ADGRB3: variants seen among roughly 807,000 people sequenced by gnomAD.
ADGRB3 encodes adhesion G protein-coupled receptor B3.
In ADGRB3, 37 loss-of-function variants were observed where a neutral mutation model predicts 193.4. That is an observed-to-expected ratio of 0.19 (90% confidence interval 0.15 to 0.25). The LOEUF (loss-of-function observed/expected upper bound fraction) is 0.25, where lower values mean the gene tolerates loss of function less well. Ranked by LOEUF, ADGRB3 falls within the 10% of genes least tolerant of loss-of-function variation. The pLI is 1.00. For synonymous variants in ADGRB3, 690 were observed against 644.2 expected, an observed-to-expected ratio of 1.07 and a Z score of -1.08; for missense variants, 1,637 against 1,852.9, an observed-to-expected ratio of 0.88 and a Z score of 2.14.
intron 26 of ADGRB3, among the ~76,000 whole-genome samples, chr6:69,343,376 T>G (rs1273997260): frequency 7.6e-6 from 1 of 131,632 alleles, no homozygotes; most frequent in African/African-American, 2.8e-5. Flanking sequence ...GATATTCCCC[T>G]TCCTGTGTCC....
intron 17 of ADGRB3, among the ~76,000 whole-genome samples, chr6:69,125,189 T>C (rs1773821354): frequency 6.6e-6 from 1 of 152,164 alleles, no homozygotes; most frequent in African/African-American, 2.4e-5. Context: ...GTTTGTGTAA[T>C]CCTTTTATAT....
intron 3 of ADGRB3, among the ~76,000 whole-genome samples, chr6:68,820,638 T>G (rs571303449): frequency 2.0e-5 from 3 of 152,022 alleles, no homozygotes; most frequent in Non-Finnish European, 4.4e-5. Context: ...TCCCCGCTTC[T>G]CTCTCCCTCC....
intron 3 of ADGRB3, among the ~76,000 whole-genome samples, chr6:68,837,686 G>A (rs768206573): frequency 5.3e-5 from 8 of 152,128 alleles, no homozygotes; most frequent in Non-Finnish European, 1.0e-4. Context: ...TTTCCAATAA[G>A]AGATTATAGT....
At chr6:69,274,595 T>TTCCCTCCCTCCG (rs1767256432) in intron 20 of ADGRB3, among the ~76,000 whole-genome samples, 1 of 92,398 alleles carries the variant, frequency 1.1e-5, no homozygotes, top group African/African-American at 4.4e-5. Flanking sequence ...TTCCTCCCTT[T>TTCCCTCCCTCCG]TCCCTCCCTC....
At chr6:69,069,744 A>AG (rs1200528978) in intron 16 of ADGRB3, among the ~76,000 whole-genome samples, 61 of 134,110 alleles carry the variant, frequency 4.5e-4, no homozygotes, top group East Asian at 2.4e-3. Flanking sequence ...AAAAAAAAAA[A>AG]AAAAAAGAAA....
chr6:68,686,810 G>A (rs1416362207), intron 3 of ADGRB3, among the ~76,000 whole-genome samples: 1 of 152,050 alleles, frequency 6.6e-6, no homozygotes. Flanking sequence ...TCATTTGTTT[G>A]TAAGCTGCTA....
At chr6:69,149,852 T>G (rs1336101969) in intron 17 of ADGRB3, among the ~76,000 whole-genome samples, 1 of 152,048 alleles carries the variant, frequency 6.6e-6, no homozygotes, top group East Asian at 1.9e-4. Flanking sequence ...CCTGGGTTAT[T>G]CTCTTCGCTC....
chr6:69,086,539 A>G (rs1468523383), intron 17 of ADGRB3, among the ~76,000 whole-genome samples: 1 of 152,106 alleles, frequency 6.6e-6, no homozygotes, highest in Non-Finnish European at 1.5e-5. Flanking sequence ...TAGCAGTGAG[A>G]TTATGTTTAC....
At chr6:68,864,772 G>T (rs1765247498) in intron 3 of ADGRB3, among the ~76,000 whole-genome samples, 4 of 152,138 alleles carry the variant, frequency 2.6e-5, no homozygotes, top group Admixed American at 2.0e-4. Context: ...AAAATCCCTA[G>T]TATATTAATC....
chr6:69,213,605 G>C (rs756033507), intron 17 of ADGRB3, among the ~76,000 whole-genome samples: 2 of 152,060 alleles, frequency 1.3e-5, no homozygotes, highest in Non-Finnish European at 2.9e-5. Context: ...TCCATCTCTA[G>C]CAAAAGTACA....
intron 17 of ADGRB3, among the ~76,000 whole-genome samples, chr6:69,147,593 C>T (rs1205093770): frequency 6.6e-6 from 1 of 152,122 alleles, no homozygotes; most frequent in Non-Finnish European, 1.5e-5. Flanking sequence ...GAACTACATG[C>T]AGAGAAGAAG....
intron 10 of ADGRB3, among the ~76,000 whole-genome samples, chr6:68,986,535 C>T (rs527910655): frequency 2.6e-5 from 4 of 152,128 alleles, no homozygotes; most frequent in African/African-American, 9.7e-5. Flanking sequence ...TAAGGGTATA[C>T]CTTCTTTTTC....
chr6:69,176,115 G>T (rs1368719661), intron 17 of ADGRB3, among the ~76,000 whole-genome samples: 1 of 151,928 alleles, frequency 6.6e-6, no homozygotes, highest in Non-Finnish European at 1.5e-5. Context: ...TTTTCTATTT[G>T]GATGCCTTTT....
intron 3 of ADGRB3, among the ~76,000 whole-genome samples, chr6:68,771,987 A>C (rs1280790070): frequency 3.3e-5 from 5 of 152,102 alleles, no homozygotes; most frequent in Non-Finnish European, 7.4e-5. Context: ...TCTGCTTGTC[A>C]CTTGCTTCTA....
intron 17 of ADGRB3, among the ~76,000 whole-genome samples, chr6:69,178,576 G>A (rs1243405368): frequency 6.6e-6 from 1 of 152,052 alleles, no homozygotes; most frequent in Non-Finnish European, 1.5e-5. Context: ...GTATTTTTGT[G>A]GTAGCAGGTA....
At chr6:69,137,820 C>T (rs186110883) in intron 17 of ADGRB3, among the ~76,000 whole-genome samples, 75 of 152,118 alleles carry the variant, frequency 4.9e-4, no homozygotes, top group African/African-American at 1.7e-3. Context: ...AAAGAATTAG[C>T]CCCTTAAAGG....
intron 3 of ADGRB3, among the ~76,000 whole-genome samples, chr6:68,866,750 A>G (rs776479016): frequency 1.3e-5 from 2 of 152,210 alleles, no homozygotes; most frequent in Non-Finnish European, 2.9e-5. Flanking sequence ...GAACTGGAGC[A>G]AAGGTCACTC....
At chr6:68,781,273 T>C (rs1051205240) in intron 3 of ADGRB3, among the ~76,000 whole-genome samples, 2 of 152,192 alleles carry the variant, frequency 1.3e-5, no homozygotes, top group South Asian at 2.1e-4. Flanking sequence ...TCTTGGACTT[T>C]GTGTTTCCCT....
intron 8 of ADGRB3, among the ~76,000 whole-genome samples, chr6:68,957,166 A>G (rs1768099379): frequency 6.6e-6 from 1 of 152,240 alleles, no homozygotes; most frequent in Non-Finnish European, 1.5e-5. Context: ...TTGATTATCT[A>G]CATTTACTTG....
Sources: allele counts gnomAD v4.1 joint callset (sites outside exome capture counted in the v4.1 genomes callset), GRCh38; gene constraint gnomAD v4.1.1; transcripts MANE v1.5; gene names NCBI Gene and HGNC (gene_info 2026-07-23, HGNC 2026-07-21).